GABRG3: variants seen among roughly 807,000 people sequenced by gnomAD.
GABRG3 encodes gamma-aminobutyric acid type A receptor subunit gamma3.
GABRG3 carries 25 observed loss-of-function variants against 48.8 expected under a neutral mutation model. That is an observed-to-expected ratio of 0.51 (90% CI 0.37 to 0.72). GABRG3 has a LOEUF of 0.72. Ranked by LOEUF, GABRG3 falls within the 30% of genes least tolerant of loss-of-function variation. The probability of loss-of-function intolerance (pLI) is 0.00; values close to 1 mark genes in which losing one functional copy is unlikely to be tolerated. For missense variants in GABRG3, 394 were observed against 577.9 expected (o/e 0.68, Z 3.26); for synonymous variants, 227 against 217.6 (o/e 1.04, Z -0.38).
At chr15:27,385,118 T>C (rs78559188) in intron 5 of GABRG3, among the ~76,000 whole-genome samples, 2,203 of 152,162 alleles carry the variant, frequency 0.014, 54 homozygotes, top group African/African-American at 0.051. Context: ...GACTCTGGAG[T>C]GGTCACCCCT....
chr15:27,429,306 G>C (rs1888380232), intron 5 of GABRG3, among the ~76,000 whole-genome samples: 1 of 152,130 alleles, frequency 6.6e-6, no homozygotes, highest in Non-Finnish European at 1.5e-5. Flanking sequence ...ATTCATGATT[G>C]ACCTTGGGTA....
At chr15:27,286,589 TAAAC>T (rs112704098) in intron 3 of GABRG3, among the ~76,000 whole-genome samples, 14,547 of 152,066 alleles carry the variant, frequency 0.096, 2,289 homozygotes, top group African/African-American at 0.33. Context: ...AAATCAAATA[TAAAC>T]AAACTTACAT....
intron 5 of GABRG3, among the ~76,000 whole-genome samples, chr15:27,386,402 G>A (rs993693310): frequency 7.2e-5 from 11 of 152,050 alleles, no homozygotes; most frequent in African/African-American, 2.7e-4. Context: ...CTCTTTTGCT[G>A]GATCTTCGTG....
intron 5 of GABRG3, among the ~76,000 whole-genome samples, chr15:27,448,222 G>T (rs1054067408): frequency 1.3e-5 from 2 of 152,048 alleles, no homozygotes; most frequent in East Asian, 3.9e-4. Context: ...AAGGAAAGAC[G>T]ATTTTGTTAT....
intron 2 of GABRG3, among the ~76,000 whole-genome samples, chr15:27,006,865 G>A (rs1010299473): frequency 6.6e-5 from 10 of 151,612 alleles, no homozygotes; most frequent in African/African-American, 1.9e-4. Context: ...TTTGAGACAG[G>A]GTGTTGCTCT....
In GABRG3 at chr15:27,150,639, C is replaced by G. The variant is rs577069315; in HGVS notation, c.270+123818C>G. Among the ~76,000 whole-genome samples the G allele has an allele frequency of 2.0e-5, 3 of 152,340 alleles. No homozygotes were observed. In the East Asian group the frequency reaches 5.8e-4, roughly 29 times the overall value. On this transcript the variant is annotated intron_variant, in intron 3 of 9. Coordinates refer to ENST00000615808, the MANE Select transcript of GABRG3 (RefSeq NM_033223.5). The stretch of plus-strand genomic sequence containing the variant: ...AAATGATTTCACTACTAACCCTTGC[C>G]ATTTTCCATGTAACTCCTACTCACT...
At chr15:27,444,286 ATGAT>A (rs1489748216) in intron 5 of GABRG3, among the ~76,000 whole-genome samples, 13 of 152,262 alleles carry the variant, frequency 8.5e-5, no homozygotes, top group African/African-American at 2.9e-4. Flanking sequence ...ATCTTCCAAA[ATGAT>A]TGAGGATTTC....
In GABRG3 at chr15:27,236,264, G is replaced by A. The variant is rs1889963425; in HGVS notation, c.271-90545G>A. 6.6e-6 allele frequency among the ~76,000 whole-genome samples: 1 copy of A among 152,160 alleles called. No individual in the cohort carries two copies. Among genetic ancestry groups the A allele is most frequent in the Admixed American group, 6.5e-5 (1 of 15,280 alleles). ...AGCGCTACATGAGTGAAGTCCCTCA[G>A]TCTCCCAGGGTCTACTTGCACAGCA... On this transcript the variant is annotated intron_variant, in intron 3 of 9. Coordinates refer to ENST00000615808, the MANE Select transcript of GABRG3 (RefSeq NM_033223.5). This position sits in a 1 kb window ranked among gnomAD's most constrained non-coding sequence, Gnocchi z 4.4.
intron 3 of GABRG3, among the ~76,000 whole-genome samples, chr15:27,045,818 C>T (rs865883387): frequency 5.9e-5 from 9 of 152,206 alleles, no homozygotes; most frequent in South Asian, 2.1e-4. Context: ...GTCTTTCCTC[C>T]GGAGGCAGCG....
At chr15:27,164,141 A>C (rs1001233239) in intron 3 of GABRG3, among the ~76,000 whole-genome samples, 2 of 152,232 alleles carry the variant, frequency 1.3e-5, no homozygotes, top group Admixed American at 1.3e-4. Context: ...AAGCTGAAGA[A>C]TAGTATAATA....
rs17672278 is a variant in GABRG3 at position 27,252,426 on chromosome 15, A to T, written c.271-74383A>T. ...TGGGTGGCTGTGTGGATGCCATGCC[A>T]GGAGCCACACAATGTCCTGTGAAGG... On this transcript the variant is annotated intron_variant, in intron 3 of 9. Transcript: ENST00000615808. Among the ~76,000 whole-genome samples, 817 of 152,296 alleles carry T rather than the reference A, an allele frequency of 5.4e-3. 21 individuals carry two copies. In the East Asian group the frequency reaches 0.065, roughly 12 times the overall value.
At chr15:27,356,293 G>C (rs1280813166) in intron 5 of GABRG3, among the ~76,000 whole-genome samples, 1 of 152,154 alleles carries the variant, frequency 6.6e-6, no homozygotes, top group African/African-American at 2.4e-5. Context: ...GTCTTCATGT[G>C]TAACCAAAGT....
intron 6 of GABRG3, among the ~76,000 whole-genome samples, chr15:27,485,136 C>A (rs62003784): frequency 3.9e-3 from 592 of 152,296 alleles, no homozygotes; most frequent in Admixed American, 6.5e-3. Flanking sequence ...GATCGGTGAA[C>A]ATGGTCAGTG....
intron 3 of GABRG3, among the ~76,000 whole-genome samples, chr15:27,093,784 A>G (rs1897231393): frequency 6.6e-6 from 1 of 152,154 alleles, no homozygotes; most frequent in Non-Finnish European, 1.5e-5. Flanking sequence ...GAACTTCAGA[A>G]GGTATTGACA....
chr15:27,386,186 C>A (rs555951310), intron 5 of GABRG3, among the ~76,000 whole-genome samples: 20 of 152,208 alleles, frequency 1.3e-4, no homozygotes, highest in African/African-American at 4.8e-4. Flanking sequence ...GCCAGTGGAT[C>A]AGCACACTTT....
chr15:27,530,558 T>C (rs1009548443), intron 9 of GABRG3: 7 of 467,774 alleles, frequency 1.5e-5, no homozygotes, highest in Non-Finnish European at 3.1e-5. Flanking sequence ...AAATATGATA[T>C]CCAGGTGTTT....
At chr15:27,426,083 T>C (rs1466450518) in intron 5 of GABRG3, among the ~76,000 whole-genome samples, 1 of 152,182 alleles carries the variant, frequency 6.6e-6, no homozygotes, top group Non-Finnish European at 1.5e-5. Context: ...TACCTGAAGA[T>C]TCCTCTCCTA....
At chr15:27,438,999 C>T (rs749874794) in intron 5 of GABRG3, among the ~76,000 whole-genome samples, 2 of 152,170 alleles carry the variant, frequency 1.3e-5, no homozygotes, top group Admixed American at 6.5e-5. Context: ...ACACAGCATT[C>T]GGTGGAGAAA....
intron 3 of GABRG3, among the ~76,000 whole-genome samples, chr15:27,218,736 A>G (rs926374463): frequency 1.3e-5 from 2 of 152,156 alleles, no homozygotes; most frequent in African/African-American, 4.8e-5. Flanking sequence ...AATGAGGTTT[A>G]GCATAGTGCT....
Sources: gnomAD v4.1 joint callset for allele counts (sites outside exome capture counted in the v4.1 genomes callset) on GRCh38, gnomAD v4.1.1 for gene constraint, Gnocchi (gnomAD v3.1) non-coding constraint, MANE v1.5 for transcripts, NCBI Gene and HGNC (gene_info 2026-07-23, HGNC 2026-07-21) for gene names.